The following CERS6 variants were observed in gnomAD, a reference collection of about 807,000 sequenced individuals.
CERS6 encodes the protein LAG1 homolog, ceramide synthase 6.
CERS6 carries 26 observed loss-of-function variants against 56.8 expected under a neutral mutation model. The observed-to-expected ratio is 0.46, with a 90% CI of 0.34 to 0.63. CERS6 has a LOEUF of 0.63. CERS6 is among the 30% of genes least tolerant of loss of function. CERS6 has a pLI of 0.01. For missense variants in CERS6, 415 were observed against 467.5 expected (o/e 0.89, Z 1.04); for synonymous variants, 164 against 173.3 (o/e 0.95, Z 0.42).
chr2:168,662,553 A>G (rs141713326), intron 4 of CERS6, among the ~76,000 whole-genome samples: 4,710 of 152,150 alleles, frequency 0.031, 83 homozygotes, highest in Non-Finnish European at 0.04. Context: ...ACATGGTGAA[A>G]CCCCGTCTCA....
intron 8 of CERS6, among the ~76,000 whole-genome samples, chr2:168,723,651 A>G (rs543371582): frequency 5.6e-4 from 86 of 152,300 alleles, no homozygotes; most frequent in Non-Finnish European, 1.0e-3. Flanking sequence ...TACTTGTATG[A>G]TTATGTCATA....
chr2:168,766,859 T>C (rs898398441), intron 9 of CERS6, among the ~76,000 whole-genome samples: 1 of 152,200 alleles, frequency 6.6e-6, no homozygotes, highest in Non-Finnish European at 1.5e-5. Context: ...GGGCATCTAG[T>C]CGTGTACTAT....
At position 168,700,729 on chromosome 2, in the gene CERS6, G is replaced by A. The variant is rs149003535; in HGVS notation, c.609+5678G>A. On this transcript the variant is annotated intron_variant, in intron 6 of 9. Transcript: ENST00000305747. Reference sequence around the variant, plus strand: ...AGCAAGTTACTTTACCTTTCTGTACGTTGGTTTCCTGATCCAAAGAATGGA... The same window carrying A: ...AGCAAGTTACTTTACCTTTCTGTACATTGGTTTCCTGATCCAAAGAATGGA... 1.1e-3 allele frequency among the ~76,000 whole-genome samples: 170 copies of A among 152,280 alleles called. 1 individual carries two copies. The highest frequency in any genetic ancestry group is 2.2e-3 in the Admixed American group (34 of 15,302).
chr2:168,461,213 A>C (rs866065437), intron 1 of CERS6, among the ~76,000 whole-genome samples: 8 of 152,192 alleles, frequency 5.3e-5, no homozygotes, highest in Non-Finnish European at 7.3e-5. Context: ...TTTCTCATGC[A>C]ATCAGTGCTG....
At chr2:168,573,763 G>GC in intron 3 of CERS6, among the ~76,000 whole-genome samples, 1 of 152,220 alleles carries the variant, frequency 6.6e-6, no homozygotes, top group Non-Finnish European at 1.5e-5. Flanking sequence ...TGGGGGTGGA[G>GC]CAGGAGTAGG....
intron 4 of CERS6, among the ~76,000 whole-genome samples, chr2:168,665,484 C>T (rs988263238): frequency 4.6e-5 from 7 of 152,142 alleles, no homozygotes; most frequent in African/African-American, 1.7e-4. Flanking sequence ...ACACAGCACC[C>T]TCGGATGGTG....
At chr2:168,729,009 CAAAAAAAAAAAAAAAAA>C (rs757181111) in intron 8 of CERS6, among the ~76,000 whole-genome samples, 1 of 59,944 alleles carries the variant, frequency 1.7e-5, no homozygotes, top group East Asian at 6.4e-4. Context: ...GACTCTGTCT[CAAAAAAAAAAAAAAAAA>C]AAAAGGTGCA....
At chr2:168,621,818 A>G (rs1684477729) in intron 3 of CERS6, among the ~76,000 whole-genome samples, 1 of 152,230 alleles carries the variant, frequency 6.6e-6, no homozygotes, top group East Asian at 1.9e-4. Flanking sequence ...AATATCTGAT[A>G]CACTTCCAAT....
chr2:168,665,972 G>A (rs1264651955), intron 4 of CERS6, among the ~76,000 whole-genome samples: 3 of 151,662 alleles, frequency 2.0e-5, no homozygotes, highest in Non-Finnish European at 4.4e-5. Flanking sequence ...GTGTGTGTGT[G>A]TGTGTGTGTG....
chr2:168,608,302 C>T (rs1684101647), intron 3 of CERS6, among the ~76,000 whole-genome samples: 1 of 152,146 alleles, frequency 6.6e-6, no homozygotes, highest in African/African-American at 2.4e-5. Context: ...TGCTTTTTGG[C>T]TACTATGAAT....
At chr2:168,641,693 T>C (rs1685053511) in intron 4 of CERS6, among the ~76,000 whole-genome samples, 1 of 152,114 alleles carries the variant, frequency 6.6e-6, no homozygotes, top group South Asian at 2.1e-4. Flanking sequence ...ACGAGAGGTG[T>C]TCAATAAATA....
At chr2:168,496,951 G>A (rs1694482239) in intron 1 of CERS6, among the ~76,000 whole-genome samples, 1 of 152,174 alleles carries the variant, frequency 6.6e-6, no homozygotes, top group Non-Finnish European at 1.5e-5. Flanking sequence ...TAGATAGTGA[G>A]GCTTTTAAAT....
intron 9 of CERS6, among the ~76,000 whole-genome samples, chr2:168,767,851 C>T (rs1300440992): frequency 6.6e-6 from 1 of 152,102 alleles, no homozygotes; most frequent in Non-Finnish European, 1.5e-5. Flanking sequence ...CCCAGCCCAC[C>T]CCCTAGAGAA....
chr2:168,581,588 G>A (rs577010908), intron 3 of CERS6, among the ~76,000 whole-genome samples: 2 of 151,978 alleles, frequency 1.3e-5, no homozygotes, highest in South Asian at 4.2e-4. Context: ...CTAGTTTTTA[G>A]TTTGGTTAAT....
chr2:168,508,805 A>T (rs1574031590), intron 1 of CERS6, among the ~76,000 whole-genome samples: 1 of 152,170 alleles, frequency 6.6e-6, no homozygotes, highest in Admixed American at 6.5e-5. Context: ...GCACATGTAT[A>T]CCTATGTAAC....
intron 2 of CERS6, among the ~76,000 whole-genome samples, chr2:168,549,619 G>A (rs976142048): frequency 6.6e-6 from 1 of 152,204 alleles, no homozygotes; most frequent in African/African-American, 2.4e-5. Flanking sequence ...TGGCAATGGA[G>A]CAAGACTCTG....
intron 1 of CERS6, among the ~76,000 whole-genome samples, chr2:168,477,321 C>A (rs1306774947): frequency 1.3e-5 from 2 of 152,082 alleles, no homozygotes; most frequent in African/African-American, 4.8e-5. Context: ...TAGGCCTCAA[C>A]ATGCAAGTTT....
intron 3 of CERS6, among the ~76,000 whole-genome samples, chr2:168,607,394 T>C (rs1396505870): frequency 6.6e-6 from 1 of 152,190 alleles, no homozygotes; most frequent in Non-Finnish European, 1.5e-5. Flanking sequence ...TGTTTGTTTA[T>C]TTGTTTGAGA....
intron 3 of CERS6, among the ~76,000 whole-genome samples, chr2:168,577,037 T>C (rs562316149): frequency 7.2e-5 from 11 of 152,162 alleles, no homozygotes; most frequent in Non-Finnish European, 1.5e-4. Flanking sequence ...AGAGGAGTGC[T>C]GTAGGCAGCT....
Sources: allele counts gnomAD v4.1 joint callset (sites outside exome capture counted in the v4.1 genomes callset), GRCh38; gene constraint gnomAD v4.1.1; transcripts MANE v1.5; gene names NCBI Gene and HGNC (gene_info 2026-07-23, HGNC 2026-07-21).